Variants in SUMO3 observed in about 807,000 individuals in gnomAD.
The protein encoded by SUMO3 is small ubiquitin like modifier 3.
In SUMO3, 2 loss-of-function variants were observed where a neutral mutation model predicts 11.1. The ratio of observed to expected loss-of-function variants is 0.18; its 90% confidence interval spans 0.07 to 0.57. The LOEUF is 0.57. SUMO3 is among the 20% of genes least tolerant of loss of function. The pLI, the probability that SUMO3 is intolerant of heterozygous loss-of-function variation, is 0.92. For missense variants in SUMO3, 70 were observed against 132.8 expected (o/e 0.53, Z 2.32); for synonymous variants, 56 against 53.5 (o/e 1.05, Z -0.20).
At chr21:44,812,268 G>A (rs2083216903) in intron 2 of SUMO3, among the ~76,000 whole-genome samples, 1 of 151,692 alleles carries the variant, frequency 6.6e-6, no homozygotes, top group Non-Finnish European at 1.5e-5. Context: ...GTGTTGCCCA[G>A]GCTTGGCACT....
rs2083204501 is a variant in SUMO3 at position 44,810,656 on chromosome 21, A to G, written c.151-1538T>C. On this transcript the variant is annotated intron_variant, in intron 2 of 3. Coordinates refer to ENST00000332859, the MANE Select transcript of SUMO3 (RefSeq NM_006936.3). The surrounding 1 kb of genome is among the most constrained non-coding windows in gnomAD (Gnocchi z 4.1). ...GGAGCCTGGAGGACTCAACTCTCAA[A>G]CTGTAGCATCTGGGCGCCTCCAGAA... 6.6e-6 allele frequency among the ~76,000 whole-genome samples: 1 copy of G among 151,952 alleles called. No individual in the cohort carries two copies. The highest frequency in any genetic ancestry group is 2.4e-5 in the African/African-American group (1 of 41,354).
In SUMO3 at chr21:44,810,188, A is replaced by T. The variant is rs2083202008; in HGVS notation, c.151-1070T>A. ...CAGGACAGACGGGGTTAAAACGTGC[A>T]TCTCTGCTCCCTCCTGAAACCCCAC... On this transcript the variant is annotated intron_variant, in intron 2 of 3. Coordinates refer to ENST00000332859, the MANE Select transcript of SUMO3 (RefSeq NM_006936.3). This position sits in a 1 kb window ranked among gnomAD's most constrained non-coding sequence, Gnocchi z 4.1. Among the ~76,000 whole-genome samples the T allele has an allele frequency of 6.6e-6, 1 of 152,212 alleles. No individual in the cohort carries two copies. The highest frequency in any genetic ancestry group is 1.5e-5 in the Non-Finnish European group (1 of 68,034).
chr21:44,815,400 C>T (rs1055127221), intron 1 of SUMO3, among the ~76,000 whole-genome samples: 3 of 152,116 alleles, frequency 2.0e-5, no homozygotes, highest in East Asian at 1.9e-4. Flanking sequence ...TGTCCTGGGG[C>T]GGCACTCACC....
In SUMO3 at chr21:44,810,213, C is replaced by A. The variant is rs1410228274; in HGVS notation, c.151-1095G>T. Among the ~76,000 whole-genome samples, 1 of 152,154 alleles carries A rather than the reference C, an allele frequency of 6.6e-6. No homozygotes were observed. Among genetic ancestry groups the A allele is most frequent in the Admixed American group, 6.5e-5 (1 of 15,280 alleles). On this transcript the variant is annotated intron_variant, in intron 2 of 3. Coordinates refer to ENST00000332859, the MANE Select transcript of SUMO3 (RefSeq NM_006936.3). This position sits in a 1 kb window ranked among gnomAD's most constrained non-coding sequence, Gnocchi z 4.1. Reference sequence around the variant, plus strand: ...ATCTCTGCTCCCTCCTGAAACCCCACTGAAATGAAGTAAATGAAAAAGGCA... The same window carrying A: ...ATCTCTGCTCCCTCCTGAAACCCCAATGAAATGAAGTAAATGAAAAAGGCA...
rs2083182418 is a variant in SUMO3, at chr21:44,807,129, T to G, written c.223-89A>C. The G allele has an allele frequency of 1.3e-6, 2 of 1,513,838 alleles. No individual in the cohort carries two copies. Among genetic ancestry groups the G allele is most frequent in the Non-Finnish European group, 1.8e-6 (2 of 1,114,348 alleles). The allele number at this position is 1,513,838 out of a possible 1,614,324, so 93.8% of individuals were successfully genotyped here. A position where few individuals can be genotyped will look rare whatever the true frequency, so the allele number is the denominator to read the frequency against. ...GTGGGAAGATCCTCACTGGCATGAG[T>G]GTTCCCTGACACTAGCGACATCACC... On this transcript the variant is annotated intron_variant, in intron 3 of 3. Coordinates refer to ENST00000332859, the MANE Select transcript of SUMO3 (RefSeq NM_006936.3). This position sits in a 1 kb window ranked among gnomAD's most constrained non-coding sequence, Gnocchi z 4.3.
intron 1 of SUMO3, among the ~76,000 whole-genome samples, chr21:44,817,667 A>G (rs948711840): frequency 6.6e-6 from 1 of 150,756 alleles, no homozygotes. Flanking sequence ...CGGGCGCTCA[A>G]GGAGGCGCTG....
chr21:44,810,250 G>A lies in SUMO3; in HGVS notation c.151-1132C>T, dbSNP rs895710842. On this transcript the variant is annotated intron_variant, in intron 2 of 3. Transcript: ENST00000332859. The surrounding 1 kb of genome is among the most constrained non-coding windows in gnomAD (Gnocchi z 4.1). The stretch of plus-strand genomic sequence containing the variant: ...AAATGAAAAAGGCACAAACAGGAAG[G>A]ACAAAGAAAACGGGAGTGGGGATGG... Among the ~76,000 whole-genome samples, 1 of 152,218 alleles carries A rather than the reference G, an allele frequency of 6.6e-6. No individual in the cohort carries two copies. The highest frequency in any genetic ancestry group is 2.4e-5 in the African/African-American group (1 of 41,448).
intron 2 of SUMO3, 75 bp from the exon 3 acceptor site, chr21:44,809,193 C>A (rs2146420547): frequency 1.4e-6 from 2 of 1,422,578 alleles, no homozygotes; most frequent in South Asian, 2.3e-5. Flanking sequence ...ATTAGTCTCA[C>A]TGACAAGCCC....
intron 1 of SUMO3, among the ~76,000 whole-genome samples, chr21:44,815,820 C>A (rs1304205025): frequency 7.6e-6 from 1 of 131,626 alleles, no homozygotes; most frequent in Non-Finnish European, 1.6e-5. Flanking sequence ...CTGTCCCAGA[C>A]CCCTGGTGAA....
rs2083176471 is a variant in SUMO3, at chr21:44,806,341, G to A, written c.*610C>T. Reference sequence around the variant, plus strand: ...ATGCTTGAGGGCCAGAGAGCACGTGGGGTCAAATTACCAAAAGACTCGGTT... The same window carrying A: ...ATGCTTGAGGGCCAGAGAGCACGTGAGGTCAAATTACCAAAAGACTCGGTT... On this transcript the variant is annotated 3_prime_UTR_variant, in exon 4 of 4. Transcript: ENST00000332859. 1 of 152,482 alleles carries A rather than the reference G, an allele frequency of 6.6e-6. No individual in the cohort carries two copies. The highest frequency in any genetic ancestry group is 2.4e-5 in the African/African-American group (1 of 41,430). 9.4% of individuals were successfully genotyped at this position (152,482 alleles called of 1,614,324 possible).
At chr21:44,815,439 C>T (rs1442745466) in intron 1 of SUMO3, among the ~76,000 whole-genome samples, 1 of 152,178 alleles carries the variant, frequency 6.6e-6, no homozygotes, top group Non-Finnish European at 1.5e-5. Context: ...GCCAGACACC[C>T]CTGCCCACTC....
intron 3 of SUMO3, chr21:44,808,506 C>G: frequency 6.9e-7 from 1 of 1,443,572 alleles, no homozygotes; most frequent in Non-Finnish European, 9.1e-7. Context: ...CAAAGCGAGA[C>G]TCCGTCTCAA....
intron 1 of SUMO3, among the ~76,000 whole-genome samples, chr21:44,815,652 G>A (rs1200335602): frequency 1.3e-5 from 2 of 152,198 alleles, no homozygotes; most frequent in Non-Finnish European, 2.9e-5. Flanking sequence ...CTTCTTTAGG[G>A]AAGGAAGGTA....
chr21:44,808,355 A>C, intron 3 of SUMO3: 1 of 487,222 alleles, frequency 2.1e-6, no homozygotes, highest in South Asian at 3.5e-5. Flanking sequence ...TACTAAAAAT[A>C]CAAAAAAATT....
chr21:44,813,521 T>C (rs1052608525), intron 2 of SUMO3: 3 of 342,988 alleles, frequency 8.7e-6, no homozygotes, highest in African/African-American at 6.1e-5. Flanking sequence ...CCTAACAAAA[T>C]GGAAAACCAC....
chr21:44,813,597 G>C (rs1422313320), intron 2 of SUMO3: 1 of 280,392 alleles, frequency 3.6e-6, no homozygotes, highest in Admixed American at 4.6e-5. Flanking sequence ...GGGTGACAGC[G>C]GCGTGGGGCA....
rs955495829 is a variant in SUMO3 at position 44,811,229 on chromosome 21, G to A, written c.151-2111C>T. On this transcript the variant is annotated intron_variant, in intron 2 of 3. Transcript: ENST00000332859. The surrounding 1 kb of genome is among the most constrained non-coding windows in gnomAD (Gnocchi z 5.0). ...ACACACCACACACACCTACACTCAC[G>A]ATTCAAATTCTATGGGAAGTAAAAA... Among the ~76,000 whole-genome samples, 2 of 151,878 alleles carry A rather than the reference G, an allele frequency of 1.3e-5. No homozygotes were observed. Among genetic ancestry groups the A allele is most frequent in the Non-Finnish European group, 2.9e-5 (2 of 67,978 alleles).
chr21:44,816,014 G>A (rs1230962046), intron 1 of SUMO3, among the ~76,000 whole-genome samples: 1 of 152,132 alleles, frequency 6.6e-6, no homozygotes, highest in Non-Finnish European at 1.5e-5. Context: ...CCCTTCGTCA[G>A]AGCCCCAGAG....
Position 44,814,118 on chromosome 21 carries a change from C to T in SUMO3, c.22-14G>A, listed in dbSNP as rs762327647. The T allele has an allele frequency of 1.2e-6, 2 of 1,606,232 alleles. No homozygotes were observed. Among genetic ancestry groups the T allele is most frequent in the Non-Finnish European group, 1.7e-6 (2 of 1,173,646 alleles). Reference sequence around the variant, plus strand: ...CTTCACACCCTCCTGCAGAAGACACCAGAGACTGGCCTCAAAACTGTGTCT... The same window carrying T: ...CTTCACACCCTCCTGCAGAAGACACTAGAGACTGGCCTCAAAACTGTGTCT... On this transcript the variant is annotated splice_polypyrimidine_tract_variant and intron_variant, in intron 1 of 3. Transcript: ENST00000332859.
Sources: allele counts gnomAD v4.1 joint callset (sites outside exome capture counted in the v4.1 genomes callset), GRCh38; gene constraint gnomAD v4.1.1; non-coding constraint Gnocchi (gnomAD v3.1); transcripts MANE v1.5; gene names NCBI Gene and HGNC (gene_info 2026-07-23, HGNC 2026-07-21).